Variants in ATRIP observed in about 807,000 individuals in gnomAD.
ATRIP encodes the protein ATR-interacting protein.
Under a neutral mutation model 78.1 loss-of-function variants are expected in ATRIP, and 44 were observed. The observed-to-expected ratio is 0.56, with a 90% CI of 0.44 to 0.72. The LOEUF is 0.72. ATRIP is among the 30% of genes least tolerant of loss of function. The pLI is 0.00. For missense variants in ATRIP, 927 were observed against 980.2 expected (o/e 0.95, Z 0.72); for synonymous variants, 388 against 408.9 (o/e 0.95, Z 0.62).
In ATRIP at chr3:48,454,337, C is replaced by T. The variant is rs1165230759; in HGVS notation, c.590C>T (p.Ala197Val). The T allele has an allele frequency of 1.1e-5, 17 of 1,613,288 alleles. No homozygotes were observed. Among genetic ancestry groups the T allele is most frequent in the South Asian group, 4.4e-5 (4 of 91,070 alleles). ...CAGTCTGAACTCCAGTTTAAAGATG[C>T]AGAGATGAATGAATTAAGGACAAAG... The part of the protein sequence containing the change: ...SLQSELQFKD[A>V]EMNELRTKLQ... Residue 197 changes from alanine (A) to valine (V), a missense_variant, in exon 4 of 13, where the codon GCA becomes GTA. By Grantham distance (64) the Ala-to-Val change is moderately conservative. Coordinates refer to ENST00000320211, the MANE Select transcript of ATRIP (RefSeq NM_130384.3).
chr3:48,455,046 A>G (rs896152396), intron 4 of ATRIP, among the ~76,000 whole-genome samples: 1 of 151,980 alleles, frequency 6.6e-6, no homozygotes, highest in African/African-American at 2.4e-5. Flanking sequence ...TATTTTTAGT[A>G]GAGACGGAGT....
At chr3:48,460,825 T>G in intron 8 of ATRIP, 26 bp downstream of exon 8, 1 of 1,563,662 alleles carries the variant, frequency 6.4e-7, no homozygotes. Context: ...GGAGTCATGA[T>G]TCTTTGTGGG....
intron 3 of ATRIP, among the ~76,000 whole-genome samples, chr3:48,453,626 G>T (rs892504748): frequency 1.3e-5 from 2 of 152,214 alleles, no homozygotes; most frequent in Non-Finnish European, 2.9e-5. Context: ...GTTGGCTGTA[G>T]CAACTGCAGG....
intron 3 of ATRIP, among the ~76,000 whole-genome samples, chr3:48,453,425 G>C (rs781681845): frequency 6.6e-6 from 1 of 152,192 alleles, no homozygotes; most frequent in African/African-American, 2.4e-5. Context: ...AGACAAACCT[G>C]AATTTGAATC....
rs751223387 is a variant in ATRIP at position 48,459,934 on chromosome 3, G to A, written c.1055+18G>A. 1.9e-6 allele frequency: 3 copies of A among 1,593,494 alleles called. No individual in the cohort carries two copies. The highest frequency in any genetic ancestry group is 1.1e-5 in the South Asian group (1 of 87,164). ...TTTGGCAGGTAAGCATAAGACTCCT[G>A]GAAAGCTTGTTTGGGAAGGAGCTTC... On this transcript the variant is annotated intron_variant, in intron 7 of 12. Coordinates refer to ENST00000320211, the MANE Select transcript of ATRIP (RefSeq NM_130384.3).
rs929475119 is a variant in ATRIP at position 48,450,281 on chromosome 3, T to C, written c.381+111T>C. The stretch of plus-strand genomic sequence containing the variant: ...TAAAACAAGTGTCTAGATTCATCCC[T>C]ATGACATGGGAAAAGACTAGGGAAA... On this transcript the variant is annotated intron_variant, in intron 2 of 12. Transcript: ENST00000320211. 26 of 1,336,612 alleles carry C rather than the reference T, an allele frequency of 1.9e-5. No homozygotes were observed. The South Asian group carries it at 3.1e-4, about 16-fold the overall frequency. 82.8% of individuals were successfully genotyped at this position (1,336,612 alleles called of 1,614,324 possible).
chr3:48,464,179 A>G (rs1165277641), intron 10 of ATRIP, 47 bp downstream of exon 10: 3 of 1,451,978 alleles, frequency 2.1e-6, no homozygotes, highest in Non-Finnish European at 2.9e-6. Context: ...ACCCCATCCT[A>G]AGAACCAACA....
rs765815524 is a variant in ATRIP at position 48,446,896 on chromosome 3, G to A, written c.51G>A (p.Ala17=). Reference sequence around the variant, plus strand: ...GCAAGAGGCGGAGCGAGCCCCCGGCGCCTCGCCCCGGCCCGCCGCCGGGCA... The same window carrying A: ...GCAAGAGGCGGAGCGAGCCCCCGGCACCTCGCCCCGGCCCGCCGCCGGGCA... ...PGSKRRSEPP[A]PRPGPPPGTG... The change falls in exon 1 of 13, where the codon GCG becomes GCA. Residue 17 remains alanine, a synonymous_variant. Coordinates refer to ENST00000320211, the MANE Select transcript of ATRIP (RefSeq NM_130384.3). 2 of 1,388,482 alleles carry A rather than the reference G, an allele frequency of 1.4e-6. No homozygotes were observed. The highest frequency in any genetic ancestry group is 1.5e-5 in the African/African-American group (1 of 66,504). 86.0% of individuals were successfully genotyped at this position (1,388,482 alleles called of 1,614,324 possible). A position where few individuals can be genotyped will look rare whatever the true frequency, so the allele number is the denominator to read the frequency against.
intron 1 of ATRIP, chr3:48,447,363 G>A: frequency 8.9e-7 from 1 of 1,124,162 alleles, no homozygotes; most frequent in East Asian, 5.1e-5. Flanking sequence ...TTGGTTCTTG[G>A]TTCTAAGCAG....
chr3:48,464,937 G>A lies in ATRIP; in HGVS notation c.2162G>A (p.Arg721Gln), dbSNP rs937881032. Residue 721 changes from arginine (R) to glutamine (Q), a missense_variant, in exon 12 of 13, where the codon CGG becomes CAG. Transcript: ENST00000320211. ...DQQRRTVRCL[R>Q]DTVLLLHGLS... ...CAGAGGCGGACAGTGCGCTGTCTGC[G>A]GGACACGGTGCTGCTGCTGCACGGC... The A allele has an allele frequency of 3.7e-6, 6 of 1,614,180 alleles. No individual in the cohort carries two copies. Among genetic ancestry groups the A allele is most frequent in the African/African-American group, 1.3e-5 (1 of 75,066 alleles).
intron 4 of ATRIP, among the ~76,000 whole-genome samples, chr3:48,455,892 G>A (rs893268835): frequency 6.6e-6 from 1 of 151,948 alleles, no homozygotes; most frequent in East Asian, 2.0e-4. Flanking sequence ...AGGATGAGGC[G>A]GGCAGATCAC....
intron 1 of ATRIP, chr3:48,447,611 G>A: frequency 1.1e-6 from 1 of 883,424 alleles, no homozygotes; most frequent in Non-Finnish European, 1.4e-6. Flanking sequence ...ACCTTACAAT[G>A]AACAAAATAC....
In ATRIP at chr3:48,447,012, C is replaced by T; in HGVS notation, c.167C>T (p.Thr56Ile). ...CCGTTCGGCGCGCATGGGGACTTCACTGCCGACGACCTGGAGGAGCTTGAC... is the reference window on the plus strand; with the variant it reads ...CCGTTCGGCGCGCATGGGGACTTCATTGCCGACGACCTGGAGGAGCTTGAC... The part of the protein sequence containing the change: ...DDPFGAHGDF[T>I]ADDLEELDTL... The change falls in exon 1 of 13, where the codon ACT (threonine) becomes ATT (isoleucine). Residue 56 changes from threonine (T) to isoleucine (I), a missense_variant. By Grantham distance (89) the Thr-to-Ile change is moderately conservative. Coordinates refer to ENST00000320211, the MANE Select transcript of ATRIP (RefSeq NM_130384.3). The T allele has an allele frequency of 1.3e-6, 2 of 1,581,436 alleles. No individual in the cohort carries two copies. Among genetic ancestry groups the T allele is most frequent in the Non-Finnish European group, 1.7e-6 (2 of 1,166,688 alleles).
At chr3:48,460,005 TG>T in intron 7 of ATRIP, 89 bp downstream of exon 7, 1 of 1,557,704 alleles carries the variant, frequency 6.4e-7, no homozygotes. Context: ...GAGAAGTCTG[TG>T]GGAAGGGCAG....
intron 1 of ATRIP, chr3:48,447,564 A>T: frequency 1.0e-6 from 1 of 984,612 alleles, no homozygotes. Context: ...CAACCAGTAA[A>T]CTGTGCTAGG....
chr3:48,462,077 C>T (rs2040132527), intron 8 of ATRIP, among the ~76,000 whole-genome samples: 1 of 151,998 alleles, frequency 6.6e-6, no homozygotes, highest in African/African-American at 2.4e-5. Flanking sequence ...CCTGTAATCT[C>T]AGCACTTTGG....
At chr3:48,448,852 C>T (rs1238581357) in intron 1 of ATRIP, among the ~76,000 whole-genome samples, 1 of 152,172 alleles carries the variant, frequency 6.6e-6, no homozygotes, top group African/African-American at 2.4e-5. Flanking sequence ...AGTTCTTAAT[C>T]ACAGTTGTAA....
intron 5 of ATRIP, among the ~76,000 whole-genome samples, chr3:48,458,323 GTTTTTT>G (rs11398200): frequency 7.2e-6 from 1 of 139,232 alleles, no homozygotes; most frequent in South Asian, 2.3e-4. Flanking sequence ...TTCTTTTCTT[GTTTTTT>G]TTTTTTTTCT....
At position 48,457,393 on chromosome 3, in the gene ATRIP, A is replaced by G; in HGVS notation, c.806A>G (p.Tyr269Cys). 1 of 1,593,024 alleles carries G rather than the reference A, an allele frequency of 6.3e-7. No individual in the cohort carries two copies. Among genetic ancestry groups the G allele is most frequent in the African/African-American group, 1.4e-5 (1 of 73,732 alleles). Residue 269 changes from tyrosine (Y) to cysteine (C), a missense_variant, in exon 5 of 13, where the codon TAC becomes TGC. Tyr to Cys is a radical substitution (Grantham distance 194). Coordinates refer to ENST00000320211, the MANE Select transcript of ATRIP (RefSeq NM_130384.3). Reference protein sequence around the residue: ...LPHPCQTESGYKPLVGREDSK... With the variant: ...LPHPCQTESGCKPLVGREDSK... Reference sequence around the variant, plus strand: ...CACCCCTGCCAGACGGAGTCAGGATACAAGCCTCTGGTGGGCAGAGAGGGT... The same window carrying G: ...CACCCCTGCCAGACGGAGTCAGGATGCAAGCCTCTGGTGGGCAGAGAGGGT...
Sources: gnomAD v4.1 joint callset for allele counts (sites outside exome capture counted in the v4.1 genomes callset) on GRCh38, gnomAD v4.1.1 for gene constraint, MANE v1.5 for transcripts, NCBI Gene and HGNC (gene_info 2026-07-23, HGNC 2026-07-21) for gene names.